The following TMEM120A variants were observed in gnomAD, a reference collection of about 807,000 sequenced individuals.
TMEM120A encodes the protein transmembrane protein 120A.
Under a neutral mutation model 54.3 loss-of-function variants are expected in TMEM120A, and 45 were observed. That is an observed-to-expected ratio of 0.83 (90% CI 0.65 to 1.06). TMEM120A has a LOEUF of 1.06. TMEM120A is among the 50% of genes least tolerant of loss of function. The pLI is 0.00. For missense variants in TMEM120A, 424 were observed against 441.7 expected (o/e 0.96, Z 0.36); for synonymous variants, 204 against 178.5 (o/e 1.14, Z -1.14).
At position 75,992,268 on chromosome 7, in the gene TMEM120A, TA is replaced by T. The variant is rs1554562001; in HGVS notation, c.201-9del. 1 of 1,599,746 alleles carries T rather than the reference TA, an allele frequency of 6.3e-7. No individual in the cohort carries two copies. Among genetic ancestry groups the T allele is most frequent in the East Asian group, 2.2e-5 (1 of 44,526 alleles). On this transcript the variant is annotated splice_polypyrimidine_tract_variant and intron_variant, in intron 2 of 11. Coordinates refer to ENST00000493111, the MANE Select transcript of TMEM120A (RefSeq NM_031925.3). ...GGGAGGGAGGGTTTGCATCTGCGGG[TA>T]AGGCCAGAAACAGTCAGGGCAAGAG...
chr7:75,991,363 C>T (rs1009145640), intron 3 of TMEM120A, among the ~76,000 whole-genome samples: 4 of 152,110 alleles, frequency 2.6e-5, no homozygotes, highest in African/African-American at 7.2e-5. Flanking sequence ...CTGCTGCTAC[C>T]TCTCGCCCTC....
At chr7:75,993,086 G>A (rs1215242450) in intron 1 of TMEM120A, among the ~76,000 whole-genome samples, 2 of 152,176 alleles carry the variant, frequency 1.3e-5, no homozygotes, top group Non-Finnish European at 2.9e-5. Context: ...ACAGGCATAA[G>A]CCACCGCACC....
chr7:75,988,566 T>C (rs1789658843), intron 4 of TMEM120A, 50 bp from the exon 5 acceptor site: 6 of 1,311,426 alleles, frequency 4.6e-6, no homozygotes, highest in Non-Finnish European at 6.4e-6. Context: ...GGGGCCCATG[T>C]GTGCCCCCAC....
intron 2 of TMEM120A, 86 bp from the exon 3 acceptor site, chr7:75,992,346 C>T: frequency 1.3e-6 from 2 of 1,548,902 alleles, no homozygotes; most frequent in Non-Finnish European, 8.8e-7. Flanking sequence ...GCAAACAGGG[C>T]CCAGAGAGGG....
Position 75,994,541 on chromosome 7 carries a change from G to T in TMEM120A, c.30C>A (p.Gly10=). 1 of 1,558,760 alleles carries T rather than the reference G, an allele frequency of 6.4e-7. No individual in the cohort carries two copies. Among genetic ancestry groups the T allele is most frequent in the East Asian group, 2.4e-5 (1 of 40,844 alleles). Residue 10 remains glycine, a synonymous_variant, in exon 1 of 12, where the codon GGC becomes GGA. Transcript: ENST00000493111. MQPPPPGPL[G]DCLRDWEDLQ... is the part of the protein sequence containing the mutation. ...GATCCTCCCAGTCCCGCAGGCAGTC[G>T]CCCAGCGGGCCCGGGGGCGGGGGCT...
intron 1 of TMEM120A, among the ~76,000 whole-genome samples, chr7:75,993,562 A>G (rs1554562343): frequency 1.3e-5 from 2 of 152,142 alleles, no homozygotes; most frequent in Non-Finnish European, 2.9e-5. Flanking sequence ...GGGGAGAAGC[A>G]CCAATGGCAG....
chr7:75,988,244 C>T lies in TMEM120A; in HGVS notation c.563+8G>A, dbSNP rs1250391092. 1 of 1,611,822 alleles carries T rather than the reference C, an allele frequency of 6.2e-7. No homozygotes were observed. The highest frequency in any genetic ancestry group is 8.5e-7 in the Non-Finnish European group (1 of 1,179,772). Reference sequence around the variant, plus strand: ...ATGCTCCCCTCCCTCAGGGCCCGCCCTGCCCACCGGGAGCCGTTGTTGATG... The same window carrying T: ...ATGCTCCCCTCCCTCAGGGCCCGCCTTGCCCACCGGGAGCCGTTGTTGATG... On this transcript the variant is annotated splice_region_variant and intron_variant, in intron 6 of 11. Coordinates refer to ENST00000493111, the MANE Select transcript of TMEM120A (RefSeq NM_031925.3).
At chr7:75,992,763 AC>A (rs1789899411) in intron 1 of TMEM120A, among the ~76,000 whole-genome samples, 1 of 151,286 alleles carries the variant, frequency 6.6e-6, no homozygotes, top group Admixed American at 6.6e-5. Context: ...GAGCCCAGAG[AC>A]CCCCACAGCA....
chr7:75,987,787 A>G lies in TMEM120A; in HGVS notation c.715T>C (p.Tyr239His). Residue 239 changes from tyrosine (Y) to histidine (H), a missense_variant, in exon 9 of 12, where the codon TAC becomes CAC. Tyr to His is a moderately conservative substitution (Grantham distance 83). Transcript: ENST00000493111. ...YQSFVQFLQYYYQSGCLYRLR... is the reference protein window; with the variant it reads ...YQSFVQFLQYHYQSGCLYRLR... Reference sequence around the variant, plus strand: ...CGGTAGAGGCAGCCGCTCTGGTAGTAGTACTGGAGAAACTGCACGAAGCCT... The same window carrying G: ...CGGTAGAGGCAGCCGCTCTGGTAGTGGTACTGGAGAAACTGCACGAAGCCT... 6.2e-7 allele frequency: 1 copy of G among 1,612,174 alleles called. No individual in the cohort carries two copies. Among genetic ancestry groups the G allele is most frequent in the Non-Finnish European group, 8.5e-7 (1 of 1,179,740 alleles).
rs1554560403 is a variant in TMEM120A, at chr7:75,987,928, T to C, written c.686A>G (p.Tyr229Cys). The C allele has an allele frequency of 8.1e-6, 13 of 1,602,994 alleles. No individual in the cohort carries two copies. The highest frequency in any genetic ancestry group is 1.1e-5 in the Non-Finnish European group (13 of 1,175,426). The change falls in exon 8 of 12, where the codon TAC (tyrosine) becomes TGC (cysteine). Residue 229 changes from tyrosine to cysteine, a missense_variant. Physicochemically the swap from Tyr to Cys is radical, Grantham distance 194 (BLOSUM62 -2). Transcript: ENST00000493111. The part of the protein sequence containing the change: ...FRNQFLSFSM[Y>C]QSFVQFLQYY... Reference sequence around the variant, plus strand: ...CAGACATCTGGGACACTCACTCTGGTACATGGAAAAGGAGAGGAATTGGTT... The same window carrying C: ...CAGACATCTGGGACACTCACTCTGGCACATGGAAAAGGAGAGGAATTGGTT...
Position 75,989,160 on chromosome 7 carries a change from A to C in TMEM120A, c.377+5T>G, listed in dbSNP as rs1185579526. The C allele has an allele frequency of 4.8e-5, 62 of 1,298,192 alleles. No individual in the cohort carries two copies. Among genetic ancestry groups the C allele is most frequent in the Non-Finnish European group, 6.0e-5 (59 of 983,226 alleles). The allele number at this position is 1,298,192 out of a possible 1,614,324, so 80.4% of individuals were successfully genotyped here. ...GGTTGGGGGGTGGAGGCTCGGCCTG[A>C]TTACTTAGCCTGCTTGCTCAGGAGC... On this transcript the variant is annotated splice_donor_5th_base_variant and intron_variant, in intron 4 of 11. Coordinates refer to ENST00000493111, the MANE Select transcript of TMEM120A (RefSeq NM_031925.3).
Position 75,988,473 on chromosome 7 carries a change from T to C in TMEM120A, c.421A>G (p.Thr141Ala). The change falls in exon 5 of 12, where the codon ACC becomes GCC. Residue 141 changes from threonine to alanine, a missense_variant. Transcript: ENST00000493111. ...AAGGAGATGAGGATGAGGATGATGG[T>C]GAGGTAGAGCTTGAACTTCTCATAC... The part of the protein sequence containing the change: ...DEYEKFKLYL[T>A]IILILISFTC... The C allele has an allele frequency of 6.2e-7, 1 of 1,609,568 alleles. No homozygotes were observed. Among genetic ancestry groups the C allele is most frequent in the Non-Finnish European group, 8.5e-7 (1 of 1,179,232 alleles).
rs1554559895 is a variant in TMEM120A, at chr7:75,987,201, T to G, written c.1003A>C (p.Ser335Arg). ...TLRVVHHKFH[S>R]QRHGSKKD is the part of the protein sequence containing the mutation. ...TCCTTCTTGCTCCCGTGCCGCTGAC[T>G]GTGAAACTTGTGGTGCACAACCCTC... The change falls in exon 12 of 12, where the codon AGT becomes CGT. Residue 335 changes from serine (S) to arginine (R), a missense_variant. By Grantham distance (110) the Ser-to-Arg change is moderately radical. Transcript: ENST00000493111. 6.2e-7 allele frequency: 1 copy of G among 1,607,330 alleles called. No homozygotes were observed. Among genetic ancestry groups the G allele is most frequent in the South Asian group, 1.1e-5 (1 of 89,796 alleles).
chr7:75,992,881 C>T (rs900023855), intron 1 of TMEM120A, among the ~76,000 whole-genome samples: 3 of 152,188 alleles, frequency 2.0e-5, no homozygotes, highest in African/African-American at 7.2e-5. Context: ...CAGCTCACTC[C>T]AACCTCCGCC....
intron 1 of TMEM120A, among the ~76,000 whole-genome samples, chr7:75,993,620 G>A (rs528036756): frequency 6.6e-6 from 1 of 152,364 alleles, no homozygotes; most frequent in South Asian, 2.1e-4. Flanking sequence ...CCCACAGGAA[G>A]CAGTTGGAAC....
rs1563438945 is a variant in TMEM120A, at chr7:75,987,535, T to TA, written c.849+2dup. 3.8e-6 allele frequency: 6 copies of TA among 1,589,798 alleles called. No homozygotes were observed. Among genetic ancestry groups the TA allele is most frequent in the East Asian group, 2.3e-5 (1 of 43,470 alleles). On this transcript the variant is annotated splice_region_variant and intron_variant, in intron 10 of 11. Coordinates refer to ENST00000493111, the MANE Select transcript of TMEM120A (RefSeq NM_031925.3). ...CAGGCAGGGACACAGAGGCACGACT[T>TA]ACGTGTCCAAAGAAAAGAAAAGGCA... is the stretch of plus-strand genomic sequence containing the variant.
In TMEM120A at chr7:75,987,096, T is replaced by G; in HGVS notation, c.*76A>C. ...AAGAGACCCCCTGATACACGCACAC[T>G]CGAGGGGCGCCTCCCATCCCCTCCC... On this transcript the variant is annotated 3_prime_UTR_variant, in exon 12 of 12. Coordinates refer to ENST00000493111, the MANE Select transcript of TMEM120A (RefSeq NM_031925.3). 8.0e-7 allele frequency: 1 copy of G among 1,257,398 alleles called. No homozygotes were observed. The highest frequency in any genetic ancestry group is 2.5e-5 in the East Asian group (1 of 39,592). The allele number at this position is 1,257,398 out of a possible 1,614,324, so 77.9% of individuals were successfully genotyped here. A position where few individuals can be genotyped will look rare whatever the true frequency, so the allele number is the denominator to read the frequency against.
In TMEM120A at chr7:75,987,078, C is replaced by A. The variant is rs1554559789; in HGVS notation, c.*94G>T. 1.9e-6 allele frequency: 2 copies of A among 1,051,644 alleles called. No individual in the cohort carries two copies. The highest frequency in any genetic ancestry group is 2.9e-6 in the Non-Finnish European group (2 of 701,558). 65.1% of individuals were successfully genotyped at this position (1,051,644 alleles called of 1,614,324 possible). Reference sequence around the variant, plus strand: ...AAACCCAAGGGAGAATAGAAGAGACCCCCTGATACACGCACACTCGAGGGG... The same window carrying A: ...AAACCCAAGGGAGAATAGAAGAGACACCCTGATACACGCACACTCGAGGGG... On this transcript the variant is annotated 3_prime_UTR_variant, in exon 12 of 12. Transcript: ENST00000493111.
intron 3 of TMEM120A, among the ~76,000 whole-genome samples, chr7:75,989,608 C>T (rs1420749362): frequency 6.6e-6 from 1 of 151,980 alleles, no homozygotes; most frequent in African/African-American, 2.4e-5. Context: ...TGCCACCTCC[C>T]CTCCAGAACC....
Sources: allele counts gnomAD v4.1 joint callset (sites outside exome capture counted in the v4.1 genomes callset), GRCh38; gene constraint gnomAD v4.1.1; transcripts MANE v1.5; gene names NCBI Gene and HGNC (gene_info 2026-07-23, HGNC 2026-07-21).